ARPIN: variants seen among roughly 807,000 people sequenced by gnomAD.
ARPIN encodes actin related protein 2/3 complex inhibitor.
A neutral mutation model predicts 25.9 loss-of-function variants in ARPIN; 23 were observed. That is an observed-to-expected ratio of 0.89 (90% CI 0.64 to 1.26). The LOEUF (loss-of-function observed/expected upper bound fraction) is 1.26, where lower values mean the gene tolerates loss of function less well. ARPIN is among the 50% of genes most tolerant of loss of function. The probability of loss-of-function intolerance (pLI) is 0.00; values close to 1 mark genes in which losing one functional copy is unlikely to be tolerated. For missense variants in ARPIN, 333 were observed against 312.2 expected, an observed-to-expected ratio of 1.07 and a Z score of -0.50; for synonymous variants, 126 against 131.4, an observed-to-expected ratio of 0.96 and a Z score of 0.28.
At chr15:89,910,690 G>A in intron 2 of ARPIN, 54 bp downstream of exon 2, 3 of 1,609,686 alleles carry the variant, frequency 1.9e-6, no homozygotes, top group South Asian at 2.2e-5. Flanking sequence ...TGCCACAGTG[G>A]ATGATGACCG....
chr15:89,912,708 G>T (rs1256836), intron 1 of ARPIN, 36 bp downstream of exon 1: 3 of 1,323,720 alleles, frequency 2.3e-6, no homozygotes, highest in Non-Finnish European at 2.9e-6. Flanking sequence ...AGCCGGGGCA[G>T]GGGAGGCCGA....
At chr15:89,904,817 CACATTCCATTCATGGTGT>C (rs1259975862) in intron 3 of ARPIN, among the ~76,000 whole-genome samples, 1 of 152,204 alleles carries the variant, frequency 6.6e-6, no homozygotes, top group Non-Finnish European at 1.5e-5. Flanking sequence ...TTTCATGGAG[CACATTCCATTCATGGTGT>C]ACAACCTCAG....
At chr15:89,908,739 T>C (rs1373794970) in intron 2 of ARPIN, among the ~76,000 whole-genome samples, 1 of 152,042 alleles carries the variant, frequency 6.6e-6, no homozygotes, top group East Asian at 1.9e-4. Flanking sequence ...ATCCCAGCAC[T>C]TTGGGAGGCA....
At chr15:89,909,204 G>T (rs1340769350) in intron 2 of ARPIN, among the ~76,000 whole-genome samples, 1 of 152,070 alleles carries the variant, frequency 6.6e-6, no homozygotes, top group East Asian at 1.9e-4. Context: ...TATTATGAGG[G>T]TTCAATGAGA....
chr15:89,908,454 C>A, intron 2 of ARPIN, 42 bp from the exon 3 acceptor site: 2 of 1,609,652 alleles, frequency 1.2e-6, no homozygotes, highest in South Asian at 1.1e-5. Context: ...GGCTTCATCC[C>A]ACAACACACA....
chr15:89,908,282 T>A lies in ARPIN; in HGVS notation c.299A>T (p.Tyr100Phe). The part of the protein sequence containing the change: ...KVNTGFLMSS[Y>F]KVEAKGDTDR... ...GAGGGAGGGCAGAGGATACCTACTG[T>A]AGGACGACATGAGGAAGCCCGTGTT... Residue 100 changes from tyrosine (Y) to phenylalanine (F), a missense_variant and splice_region_variant, in exon 3 of 6, where the codon TAC (tyrosine) becomes TTC (phenylalanine). Tyr to Phe is a conservative substitution (Grantham distance 22, BLOSUM62 3). Transcript: ENST00000357484. The A allele has an allele frequency of 6.2e-7, 1 of 1,614,052 alleles. No individual in the cohort carries two copies. Among genetic ancestry groups the A allele is most frequent in the Middle Eastern group, 1.6e-4 (1 of 6,062 alleles).
chr15:89,901,861 G>A, intron 5 of ARPIN, 58 bp from the exon 6 acceptor site: 1 of 1,594,726 alleles, frequency 6.3e-7, no homozygotes, highest in South Asian at 1.1e-5. Context: ...AAACGTCACT[G>A]CAAGTTATCA....
At chr15:89,910,959 A>C in intron 1 of ARPIN, 140 bp from the exon 2 acceptor site, 13 of 1,008,902 alleles carry the variant, frequency 1.3e-5, no homozygotes, top group Non-Finnish European at 1.9e-5. Flanking sequence ...AGGGATCTCC[A>C]AAGGGTCCCA....
At chr15:89,904,078 A>G in intron 3 of ARPIN, 95 bp from the exon 4 acceptor site, 1 of 1,425,052 alleles carries the variant, frequency 7.0e-7, no homozygotes, top group Non-Finnish European at 9.4e-7. Context: ...AGTGTTTCCA[A>G]GCTCAGTCAC....
At chr15:89,908,860 G>A (rs924596773) in intron 2 of ARPIN, among the ~76,000 whole-genome samples, 1 of 152,124 alleles carries the variant, frequency 6.6e-6, no homozygotes, top group African/African-American at 2.4e-5. Flanking sequence ...GCATGTGCCT[G>A]TAATCCCAGC....
rs1278165349 is a variant in ARPIN at position 89,895,661 on chromosome 15, G to A, written c.*6134C>T. On this transcript the variant is annotated 3_prime_UTR_variant, in exon 6 of 6. Coordinates refer to ENST00000357484, the MANE Select transcript of ARPIN (RefSeq NM_182616.4). ...ATAAGTGATTTAAAAACATCTTTGG[G>A]TGGTAGGATTATCAAGTTTTCCTTT... The A allele has an allele frequency of 6.6e-6, 1 of 152,264 alleles. No homozygotes were observed. Among genetic ancestry groups the A allele is most frequent in the African/African-American group, 2.4e-5 (1 of 41,472 alleles). The allele number at this position is 152,264 out of a possible 1,614,324, so 9.4% of individuals were successfully genotyped here. A position where few individuals can be genotyped will look rare whatever the true frequency, so the allele number is the denominator to read the frequency against.
chr15:89,910,650 A>T (rs1897206530), intron 2 of ARPIN, 94 bp downstream of exon 2: 2 of 1,509,448 alleles, frequency 1.3e-6, no homozygotes, highest in African/African-American at 2.7e-5. Flanking sequence ...ATCCCAACTC[A>T]TGGCACTGGA....
At position 89,912,431 on chromosome 15, in the gene ARPIN, C is replaced by CGGGTG. The variant is rs1036921145; in HGVS notation, c.92+308_92+312dup. 6 of 1,185,242 alleles carry CGGGTG rather than the reference C, an allele frequency of 5.1e-6. No homozygotes were observed. The African/African-American group carries it at 9.6e-5, about 19-fold the overall frequency. The allele number at this position is 1,185,242 out of a possible 1,614,324, so 73.4% of individuals were successfully genotyped here. A position where few individuals can be genotyped will look rare whatever the true frequency, so the allele number is the denominator to read the frequency against. The stretch of plus-strand genomic sequence containing the variant: ...CAAGTAGCTGGAGTTTATAGTTACG[C>CGGGTG]GGGTGGGGTGGGGCCGGAGGTCGGC... On this transcript the variant is annotated intron_variant, in intron 1 of 5. Coordinates refer to ENST00000357484, the MANE Select transcript of ARPIN (RefSeq NM_182616.4).
chr15:89,912,609 G>C lies in ARPIN; in HGVS notation c.92+135C>G, dbSNP rs1005772217. On this transcript the variant is annotated intron_variant, in intron 1 of 5. Coordinates refer to ENST00000357484, the MANE Select transcript of ARPIN (RefSeq NM_182616.4). ...GCGCCGGGAGCGGCGGACTGGAGGG[G>C]CGGACTGAAGGCGGAGAGGCGGCTT... 9 of 1,350,648 alleles carry C rather than the reference G, an allele frequency of 6.7e-6. No homozygotes were observed. The African/African-American group carries it at 1.2e-4, about 19-fold the overall frequency. The allele number at this position is 1,350,648 out of a possible 1,614,324, so 83.7% of individuals were successfully genotyped here. A position where few individuals can be genotyped will look rare whatever the true frequency, so the allele number is the denominator to read the frequency against.
rs1596238780 is a variant in ARPIN, at chr15:89,912,563, T to C, written c.92+181A>G. 14 of 1,348,786 alleles carry C rather than the reference T, an allele frequency of 1.0e-5. No individual in the cohort carries two copies. In the South Asian group the frequency reaches 2.4e-4, roughly 23 times the overall value. 83.6% of individuals were successfully genotyped at this position (1,348,786 alleles called of 1,614,324 possible). A position where few individuals can be genotyped will look rare whatever the true frequency, so the allele number is the denominator to read the frequency against. On this transcript the variant is annotated intron_variant, in intron 1 of 5. Transcript: ENST00000357484. ...AAGCCGATCTGTGTCATGGGGTCGC[T>C]GGGCGGGCGCGGCGGCAGGGGCGCC...
At chr15:89,909,340 C>G (rs1897183787) in intron 2 of ARPIN, among the ~76,000 whole-genome samples, 1 of 151,812 alleles carries the variant, frequency 6.6e-6, no homozygotes, top group African/African-American at 2.4e-5. Flanking sequence ...CTGGTGGAAT[C>G]AAGAAAGATG....
At chr15:89,912,715 C>A in intron 1 of ARPIN, 29 bp downstream of exon 1, 2 of 1,065,444 alleles carry the variant, frequency 1.9e-6, no homozygotes, top group Admixed American at 7.5e-5. Flanking sequence ...GCAGGGGAGG[C>A]CGACCCGAGG....
At chr15:89,904,941 G>A (rs985126595) in intron 3 of ARPIN, among the ~76,000 whole-genome samples, 7 of 151,940 alleles carry the variant, frequency 4.6e-5, no homozygotes, top group African/African-American at 1.7e-4. Context: ...ACACCCTCTA[G>A]ACAGAGCATC....
chr15:89,912,060 A>C (rs1375963536), intron 1 of ARPIN: 2 of 369,880 alleles, frequency 5.4e-6, no homozygotes, highest in African/African-American at 2.2e-5. Flanking sequence ...ACCTCAAGTG[A>C]TCCACCCGCC....
Sources: gnomAD v4.1 joint callset for allele counts (sites outside exome capture counted in the v4.1 genomes callset) on GRCh38, gnomAD v4.1.1 for gene constraint, MANE v1.5 for transcripts, NCBI Gene and HGNC (gene_info 2026-07-23, HGNC 2026-07-21) for gene names.